The following DOCK3 variants were observed in gnomAD, a reference collection of about 807,000 sequenced individuals.
The protein encoded by DOCK3 is dedicator of cytokinesis protein 3.
Under a neutral mutation model 265.6 loss-of-function variants are expected in DOCK3, and 60 were observed. The ratio of observed to expected loss-of-function variants is 0.23; its 90% CI spans 0.18 to 0.28. DOCK3 has a LOEUF of 0.28. DOCK3 is among the 10% of genes least tolerant of loss of function. DOCK3 has a pLI of 1.00. For missense variants in DOCK3, 1,981 were observed against 2,594.3 expected (o/e 0.76, Z 5.14); for synonymous variants, 881 against 938.0 (o/e 0.94, Z 1.11).
chr3:50,787,232 C>A, intron 2 of DOCK3: 1 of 563,918 alleles, frequency 1.8e-6, no homozygotes, highest in Non-Finnish European at 3.3e-6. Flanking sequence ...TATTCATTTG[C>A]TTCTCCAGAC....
chr3:51,380,504 G>GT (rs1260778478), intron 52 of DOCK3, among the ~76,000 whole-genome samples: 1 of 152,206 alleles, frequency 6.6e-6, no homozygotes, highest in Non-Finnish European at 1.5e-5. Context: ...CAGCACCAAG[G>GT]TATCAACACA....
intron 5 of DOCK3, among the ~76,000 whole-genome samples, chr3:50,954,846 T>C (rs1425790940): frequency 6.6e-6 from 1 of 152,138 alleles, no homozygotes; most frequent in Admixed American, 6.5e-5. Flanking sequence ...TATTTGTCAA[T>C]TTTTACTTTT....
chr3:50,699,565 G>T (rs2035897812), intron 1 of DOCK3, among the ~76,000 whole-genome samples: 1 of 150,826 alleles, frequency 6.6e-6, no homozygotes, highest in South Asian at 2.1e-4. Context: ...CAGTTCTCTT[G>T]CCTCAGCCTC....
chr3:51,332,853 A>G, intron 33 of DOCK3, 148 bp from the exon 34 acceptor site: 1 of 890,844 alleles, frequency 1.1e-6, no homozygotes. Context: ...GTTACAGTGT[A>G]TGCCTAAGGT....
rs903869527 is a variant in DOCK3, at chr3:51,285,530, A to G, written c.2922+5326A>G. 7.2e-5 allele frequency among the ~76,000 whole-genome samples: 11 copies of G among 151,918 alleles called. No individual in the cohort carries two copies. In the East Asian group the frequency reaches 2.0e-3, roughly 27 times the overall value. ...AAGAATACTCTAAACTGAAAATTTC[A>G]ATAAAAGGATTCAGCAGCAGACTAG... On this transcript the variant is annotated intron_variant, in intron 27 of 52. Transcript: ENST00000266037.
At chr3:50,769,832 A>T (rs2041168177) in intron 1 of DOCK3, among the ~76,000 whole-genome samples, 1 of 136,502 alleles carries the variant, frequency 7.3e-6, no homozygotes, top group Non-Finnish European at 1.6e-5. Flanking sequence ...AAAAAAAAAA[A>T]GTTTTAGCCA....
rs529730262 is a variant in DOCK3 at position 50,932,706 on chromosome 3, C to T, written c.219-1275C>T. On this transcript the variant is annotated intron_variant, in intron 4 of 52. Coordinates refer to ENST00000266037, the MANE Select transcript of DOCK3 (RefSeq NM_004947.5). ...TCAGTGACATCTTGCATACTTTTCT[C>T]GTTTGCAGGTGGCACCATAACTGGT... Among the ~76,000 whole-genome samples, 9 of 152,112 alleles carry T rather than the reference C, an allele frequency of 5.9e-5. No individual in the cohort carries two copies. In the South Asian group the frequency reaches 1.0e-3, roughly 18 times the overall value.
chr3:51,335,962 A>G (rs2084833375), intron 35 of DOCK3, among the ~76,000 whole-genome samples: 2 of 151,466 alleles, frequency 1.3e-5, no homozygotes, highest in Non-Finnish European at 2.9e-5. Flanking sequence ...ACTGAACTCC[A>G]GCTTGGGCGA....
intron 1 of DOCK3, among the ~76,000 whole-genome samples, chr3:50,724,650 C>T (rs1384414737): frequency 6.6e-6 from 1 of 150,420 alleles, no homozygotes; most frequent in African/African-American, 2.5e-5. Flanking sequence ...AACACATGGA[C>T]ACGGGGAGGG....
At chr3:50,856,365 A>C (rs559625721) in intron 3 of DOCK3, among the ~76,000 whole-genome samples, 1 of 152,096 alleles carries the variant, frequency 6.6e-6, no homozygotes, top group East Asian at 1.9e-4. Flanking sequence ...TGATTTTTTA[A>C]TAAATAGCCA....
intron 6 of DOCK3, among the ~76,000 whole-genome samples, chr3:51,072,007 C>G (rs907613149): frequency 6.6e-6 from 1 of 152,102 alleles, no homozygotes. Context: ...ATTAATTATT[C>G]TCTTATTTCT....
intron 27 of DOCK3, among the ~76,000 whole-genome samples, chr3:51,290,298 A>G (rs2081660881): frequency 6.6e-6 from 1 of 152,218 alleles, no homozygotes; most frequent in Non-Finnish European, 1.5e-5. Context: ...ATGTCCAACA[A>G]TGATAGACTG....
chr3:50,944,255 T>C (rs1575586595), intron 5 of DOCK3, among the ~76,000 whole-genome samples: 2 of 152,206 alleles, frequency 1.3e-5, no homozygotes, highest in East Asian at 3.9e-4. Context: ...TATCCAGTAA[T>C]CTTGTTTTGA....
intron 2 of DOCK3, among the ~76,000 whole-genome samples, chr3:50,831,618 C>T (rs2045179070): frequency 6.6e-6 from 1 of 152,094 alleles, no homozygotes; most frequent in Non-Finnish European, 1.5e-5. Context: ...TTTTCTTTAT[C>T]CAGTTTATCA....
chr3:51,028,187 T>C (rs1019221246), intron 5 of DOCK3, among the ~76,000 whole-genome samples: 3 of 152,202 alleles, frequency 2.0e-5, no homozygotes, highest in Non-Finnish European at 4.4e-5. Context: ...CTATGAAGCT[T>C]AACTTAGTGA....
chr3:51,269,928 C>A (rs2080409342), intron 23 of DOCK3, among the ~76,000 whole-genome samples: 2 of 152,098 alleles, frequency 1.3e-5, no homozygotes, highest in Non-Finnish European at 2.9e-5. Context: ...AGTAACTTGC[C>A]AAAGTTTGTG....
chr3:51,168,800 G>T (rs910374729), intron 12 of DOCK3, among the ~76,000 whole-genome samples: 5 of 152,154 alleles, frequency 3.3e-5, no homozygotes, highest in Non-Finnish European at 5.9e-5. Flanking sequence ...AGAGTAAACA[G>T]AGAACCTATA....
chr3:51,237,383 A>G (rs2078392984), intron 20 of DOCK3, 107 bp from the exon 21 acceptor site: 1 of 849,382 alleles, frequency 1.2e-6, no homozygotes, highest in African/African-American at 1.7e-5. Flanking sequence ...GCTAGAGGAC[A>G]GCACTGACAA....
In DOCK3 at chr3:50,736,851, C is replaced by A. The variant is rs190385100; in HGVS notation, c.38-41824C>A. ...AGCTGGGACTACAGGTGCCCACCAC[C>A]ATGCCCGGCTAATTTTTTGTATTTT... On this transcript the variant is annotated intron_variant, in intron 1 of 52. Transcript: ENST00000266037. Among the ~76,000 whole-genome samples the A allele has an allele frequency of 1.5e-3, 233 of 152,098 alleles. 2 individuals are homozygous for A. Among genetic ancestry groups the A allele is most frequent in the African/African-American group, 5.3e-3 (219 of 41,476 alleles).
Sources: gnomAD v4.1 joint callset for allele counts (sites outside exome capture counted in the v4.1 genomes callset) on GRCh38, gnomAD v4.1.1 for gene constraint, MANE v1.5 for transcripts, NCBI Gene and HGNC (gene_info 2026-07-23, HGNC 2026-07-21) for gene names.